The following RNF40 variants were observed in gnomAD, a reference collection of about 807,000 sequenced individuals.
RNF40 encodes E3 ubiquitin-protein ligase BRE1B.
RNF40 carries 39 observed loss-of-function variants against 123.3 expected under a neutral mutation model. The ratio of observed to expected loss-of-function variants is 0.32; its 90% CI spans 0.24 to 0.41. RNF40 has a LOEUF of 0.41. Among genes scored for constraint, RNF40 ranks in the 10% least tolerant of loss-of-function variants. RNF40 has a pLI of 1.00. For missense variants in RNF40, 1,003 were observed against 1,319.9 expected (o/e 0.76, Z 3.72); for synonymous variants, 538 against 526.0 (o/e 1.02, Z -0.31).
At position 30,771,844 on chromosome 16, in the gene RNF40, C is replaced by T. The variant is rs763905942; in HGVS notation, c.2598C>T (p.Ala866=). ...TCCACCCTACTCAGGCTGTAGAAGC[C>T]GCCCAGCTGGCCGAGGACCTGAAGG... is the stretch of plus-strand genomic sequence containing the variant. ...LELNKRKAVE[A]AQLAEDLKVQ... is the part of the protein sequence containing the mutation. Residue 866 remains alanine, a synonymous_variant, in exon 18 of 20, where the codon GCC becomes GCT. Coordinates refer to ENST00000324685, the MANE Select transcript of RNF40 (RefSeq NM_014771.4). The T allele has an allele frequency of 9.5e-6, 15 of 1,584,070 alleles. No homozygotes were observed. The highest frequency in any genetic ancestry group is 5.3e-5 in the Admixed American group (3 of 56,490).
Position 30,774,741 on chromosome 16 carries a change from C to T in RNF40, c.*627C>T, listed in dbSNP as rs1027658383. 5.8e-6 allele frequency: 2 copies of T among 344,500 alleles called. No homozygotes were observed. The highest frequency in any genetic ancestry group is 1.1e-5 in the Non-Finnish European group (2 of 173,954). The allele number at this position is 344,500 out of a possible 1,614,324, so 21.3% of individuals were successfully genotyped here. The stretch of plus-strand genomic sequence containing the variant: ...GGAAGCTCTAAGGTTGCTGCAGTCA[C>T]CTTCCTCATCTTGCAGGTGCTGAAC... On this transcript the variant is annotated 3_prime_UTR_variant, in exon 20 of 20. Coordinates refer to ENST00000324685, the MANE Select transcript of RNF40 (RefSeq NM_014771.4).
At position 30,767,740 on chromosome 16, in the gene RNF40, C is replaced by T. The variant is rs1596752787; in HGVS notation, c.1430-154C>T. 2.6e-5 allele frequency: 24 copies of T among 915,922 alleles called. No individual in the cohort carries two copies. The East Asian group carries it at 6.0e-4, about 23-fold the overall frequency. 56.7% of individuals were successfully genotyped at this position (915,922 alleles called of 1,614,324 possible). On this transcript the variant is annotated intron_variant, in intron 11 of 19. Coordinates refer to ENST00000324685, the MANE Select transcript of RNF40 (RefSeq NM_014771.4). ...TTTGGGTGAGTTTCCTTGAAGTCAG[C>T]ATTATTTACTTTGATGAGTTCATGC...
At position 30,776,074 on chromosome 16, in the gene RNF40, C is replaced by T. The variant is rs2054230429; in HGVS notation, c.*1960C>T. The T allele has an allele frequency of 6.6e-6, 1 of 152,210 alleles. No homozygotes were observed. Among genetic ancestry groups the T allele is most frequent in the Admixed American group, 6.5e-5 (1 of 15,288 alleles). The allele number at this position is 152,210 out of a possible 1,614,324, so 9.4% of individuals were successfully genotyped here. ...CATAGAGACGCGGCCACCTTCGCCC[C>T]TGGAGAGCGCCAGTCTCAGGAGCGC... On this transcript the variant is annotated 3_prime_UTR_variant, in exon 20 of 20. Transcript: ENST00000324685.
In RNF40 at chr16:30,763,156, G is replaced by A. The variant is rs1387297012; in HGVS notation, c.171G>A (p.Lys57=). 6.2e-7 allele frequency: 1 copy of A among 1,614,036 alleles called. No homozygotes were observed. Among genetic ancestry groups the A allele is most frequent in the Non-Finnish European group, 8.5e-7 (1 of 1,180,038 alleles). ...MDLKVLQFKN[K]KLAERLEQRQ... ...TGAAGGTACTACAGTTCAAGAACAAGAAACTGGCAGAGCGGCTGGAACAAC... is the reference window on the plus strand; with the variant it reads ...TGAAGGTACTACAGTTCAAGAACAAAAAACTGGCAGAGCGGCTGGAACAAC... Residue 57 remains lysine (K), a synonymous_variant, in exon 3 of 20, where the codon AAG becomes AAA. Coordinates refer to ENST00000324685, the MANE Select transcript of RNF40 (RefSeq NM_014771.4).
Position 30,768,883 on chromosome 16 carries a change from C to G in RNF40, c.2143C>G (p.Arg715Gly). The G allele has an allele frequency of 6.2e-7, 1 of 1,614,180 alleles. No homozygotes were observed. Reference protein sequence around the residue: ...SRIRELEERDRRESKKIADED... With the variant: ...SRIRELEERDGRESKKIADED... ...CATCCGGGAATTGGAGGAGAGGGAT[C>G]GAAGGGAGAGCAAGAAGATCGCGGA... Residue 715 changes from arginine (R) to glycine (G), a missense_variant, in exon 15 of 20, where the codon CGA becomes GGA. Physicochemically the swap from Arg to Gly is moderately radical, Grantham distance 125. This residue lies in a region of RNF40 where 295 missense variants were observed against 331.7 expected (regional missense o/e 0.89). Coordinates refer to ENST00000324685, the MANE Select transcript of RNF40 (RefSeq NM_014771.4). The surrounding 1 kb of genome is among the most constrained non-coding windows in gnomAD (Gnocchi z 4.1).
chr16:30,762,988 T>A, intron 2 of RNF40, 130 bp from the exon 3 acceptor site: 1 of 1,038,900 alleles, frequency 9.6e-7, no homozygotes, highest in Non-Finnish European at 1.4e-6. Flanking sequence ...CCTTAGATTC[T>A]GTTAGCGGTT....
In RNF40 at chr16:30,775,346, C is replaced by G. The variant is rs185087026; in HGVS notation, c.*1232C>G. 5.1e-4 allele frequency: 144 copies of G among 284,092 alleles called. No homozygotes were observed. Among genetic ancestry groups the G allele is most frequent in the African/African-American group, 3.2e-3 (142 of 45,030 alleles). The allele number at this position is 284,092 out of a possible 1,614,324, so 17.6% of individuals were successfully genotyped here. On this transcript the variant is annotated 3_prime_UTR_variant, in exon 20 of 20. Transcript: ENST00000324685. The stretch of plus-strand genomic sequence containing the variant: ...GGCCTGAAGGGGAGAGCGTGGTGGT[C>G]GTCGCGGAGCCGCCTGTCCTGCTCC...
In RNF40 at chr16:30,766,623, T is replaced by G; in HGVS notation, c.1293+65T>G. The G allele has an allele frequency of 1.3e-6, 2 of 1,581,414 alleles. No individual in the cohort carries two copies. On this transcript the variant is annotated intron_variant, in intron 10 of 19. Transcript: ENST00000324685. This position sits in a 1 kb window ranked among gnomAD's most constrained non-coding sequence, Gnocchi z 5.4. Reference sequence around the variant, plus strand: ...CAAACCGTTAGTGTTGACGTGTTTGTGCCTTCCGAGGCCCTGTGTGCCAGC... The same window carrying G: ...CAAACCGTTAGTGTTGACGTGTTTGGGCCTTCCGAGGCCCTGTGTGCCAGC...
Position 30,775,080 on chromosome 16 carries a change from GGC to G in RNF40, c.*967_*968del. On this transcript the variant is annotated 3_prime_UTR_variant, in exon 20 of 20. Coordinates refer to ENST00000324685, the MANE Select transcript of RNF40 (RefSeq NM_014771.4). ...CGGCTGTGAGGGCAGTGCCCGGAGA[GGC>G]CAGAGGGTTGGAGCTGCAGGGACCC... 2.2e-6 allele frequency: 1 copy of G among 456,022 alleles called. No homozygotes were observed. Among genetic ancestry groups the G allele is most frequent in the Non-Finnish European group, 4.4e-6 (1 of 226,462 alleles). 28.2% of individuals were successfully genotyped at this position (456,022 alleles called of 1,614,324 possible). A position where few individuals can be genotyped will look rare whatever the true frequency, so the allele number is the denominator to read the frequency against.
intron 19 of RNF40, 195 bp downstream of exon 19, chr16:30,772,385 T>C (rs2054163853): frequency 1.5e-6 from 1 of 666,758 alleles, no homozygotes; most frequent in South Asian, 1.6e-5. Flanking sequence ...TGGGTGTGGG[T>C]TGGGAGGCTA....
intron 11 of RNF40, among the ~76,000 whole-genome samples, chr16:30,767,200 G>A (rs2054049623): frequency 6.6e-6 from 1 of 152,206 alleles, no homozygotes; most frequent in African/African-American, 2.4e-5. Context: ...TCTGTTCTAG[G>A]GTTTGGGGTT....
At position 30,766,241 on chromosome 16, in the gene RNF40, G is replaced by T; in HGVS notation, c.1072G>T (p.Ala358Ser). The change falls in exon 9 of 20, where the codon GCC (alanine) becomes TCC (serine). Residue 358 changes from alanine (A) to serine (S), a missense_variant. Ala to Ser is a moderately conservative substitution (Grantham distance 99). This residue lies in a region of RNF40 where 274 missense variants were observed against 356.9 expected (regional missense o/e 0.77). Transcript: ENST00000324685. The surrounding 1 kb of genome is among the most constrained non-coding windows in gnomAD (Gnocchi z 5.4). ...TATGGCAGAGCTGGAGAAACTGCAG[G>T]CCGAACTTCAGGGGGCTGTGCGGAC... Reference protein sequence around the residue: ...SRMAELEKLQAELQGAVRTNE... With the variant: ...SRMAELEKLQSELQGAVRTNE... 1 of 1,614,176 alleles carries T rather than the reference G, an allele frequency of 6.2e-7. No individual in the cohort carries two copies. The highest frequency in any genetic ancestry group is 1.1e-5 in the South Asian group (1 of 91,088).
rs1309276655 is a variant in RNF40 at position 30,762,687 on chromosome 16, C to G, written c.132+10C>G. ...AGGCATCTCTTCCACGGTTCGTGGGCTCTTGCCTTAACCCTCAGAACTTCC... is the reference window on the plus strand; with the variant it reads ...AGGCATCTCTTCCACGGTTCGTGGGGTCTTGCCTTAACCCTCAGAACTTCC... On this transcript the variant is annotated intron_variant, in intron 2 of 19. Transcript: ENST00000324685. The G allele has an allele frequency of 6.2e-7, 1 of 1,611,862 alleles. No homozygotes were observed. Among genetic ancestry groups the G allele is most frequent in the East Asian group, 2.2e-5 (1 of 44,838 alleles).
Position 30,766,155 on chromosome 16 carries a change from C to T in RNF40, c.994-8C>T. ...CTGCCTCCCATGGCCCTGCCTCCCACTCCTTAGTTTGAGATGCTGAATGCA... is the reference window on the plus strand; with the variant it reads ...CTGCCTCCCATGGCCCTGCCTCCCATTCCTTAGTTTGAGATGCTGAATGCA... On this transcript the variant is annotated splice_region_variant and splice_polypyrimidine_tract_variant and intron_variant, in intron 8 of 19. Transcript: ENST00000324685. The surrounding 1 kb of genome is among the most constrained non-coding windows in gnomAD (Gnocchi z 5.4). The T allele has an allele frequency of 6.2e-7, 1 of 1,613,854 alleles. No individual in the cohort carries two copies. The highest frequency in any genetic ancestry group is 1.6e-4 in the Middle Eastern group (1 of 6,062).
At position 30,768,457 on chromosome 16, in the gene RNF40, C is replaced by T. The variant is rs762401318; in HGVS notation, c.1906C>T (p.Arg636Trp). The T allele has an allele frequency of 3.7e-5, 60 of 1,611,954 alleles. No individual in the cohort carries two copies. Among genetic ancestry groups the T allele is most frequent in the Non-Finnish European group, 4.7e-5 (55 of 1,178,954 alleles). The change falls in exon 13 of 20, where the codon CGG becomes TGG. Residue 636 changes from arginine to tryptophan, a missense_variant. This residue lies in a region of RNF40 where 295 missense variants were observed against 331.7 expected (regional missense o/e 0.89). Coordinates refer to ENST00000324685, the MANE Select transcript of RNF40 (RefSeq NM_014771.4). This position sits in a 1 kb window ranked among gnomAD's most constrained non-coding sequence, Gnocchi z 4.1. ...AGCCTCCGCTCTCTCAAGGGCTGAT[C>T]GGGAGAAGGCCAAGGTGGAAGAAAC... ...PVASALSRADREKAKVEETKR... is the reference protein window; with the variant it reads ...PVASALSRADWEKAKVEETKR...
chr16:30,763,213 A>C lies in RNF40; in HGVS notation c.228A>C (p.Arg76=). Residue 76 remains arginine, a synonymous_variant, in exon 3 of 20, where the codon CGA becomes CGC. Coordinates refer to ENST00000324685, the MANE Select transcript of RNF40 (RefSeq NM_014771.4). The stretch of plus-strand genomic sequence containing the variant: ...CTTGTGAAGATGAACTCCGAGAACG[A>C]ATTGAGAAGTTGGAGAAGCGGCAGG... ...RQACEDELRE[R]IEKLEKRQAT... is the part of the protein sequence containing the mutation. 2 of 1,614,052 alleles carry C rather than the reference A, an allele frequency of 1.2e-6. No homozygotes were observed. Among genetic ancestry groups the C allele is most frequent in the Non-Finnish European group, 8.5e-7 (1 of 1,180,020 alleles).
chr16:30,765,044 C>T lies in RNF40; in HGVS notation c.756C>T (p.His252=), dbSNP rs1426565925. The T allele has an allele frequency of 5.6e-6, 9 of 1,613,944 alleles. No homozygotes were observed. The African/African-American group carries it at 6.7e-5, about 12-fold the overall frequency. ...CCACTCAGCTGCAGGAGAAACACCA[C>T]CGCATCTCATTGGAGGTGAGGAGCC... ...DLATQLQEKH[H]RISLEYSELQ... The change falls in exon 6 of 20, where the codon CAC becomes CAT. Residue 252 remains histidine (H), a synonymous_variant. Transcript: ENST00000324685.
At chr16:30,767,719 G>C (rs1314539678) in intron 11 of RNF40, 175 bp from the exon 12 acceptor site, 1 of 697,940 alleles carries the variant, frequency 1.4e-6, no homozygotes, top group African/African-American at 1.8e-5. Flanking sequence ...GTTAATTTTG[G>C]GTGAGTTTCC....
At chr16:30,772,025 A>G in intron 18 of RNF40, 52 bp downstream of exon 18, 7 of 1,589,130 alleles carry the variant, frequency 4.4e-6, no homozygotes, top group Non-Finnish European at 5.2e-6. Context: ...TCACGGACCT[A>G]TCCTGGGGGC....
Sources: gnomAD v4.1 joint callset for allele counts (sites outside exome capture counted in the v4.1 genomes callset) on GRCh38, gnomAD v4.1.1 for gene constraint, gnomAD v4.1.1 regional missense constraint, Gnocchi (gnomAD v3.1) non-coding constraint, MANE v1.5 for transcripts, NCBI Gene and HGNC (gene_info 2026-07-23, HGNC 2026-07-21) for gene names.